Variants in YME1L1 observed in about 807,000 individuals in gnomAD.
YME1L1 encodes YME1 like 1 ATPase.
YME1L1 carries 39 observed loss-of-function variants against 90.4 expected under a neutral mutation model. The ratio of observed to expected loss-of-function variants is 0.43; its 90% CI spans 0.33 to 0.56. The LOEUF is 0.56. Ranked by LOEUF, YME1L1 falls within the 20% of genes least tolerant of loss-of-function variation. YME1L1 has a pLI of 0.03. For synonymous variants in YME1L1, 284 were observed against 287.3 expected (o/e 0.99, Z 0.12); for missense variants, 617 against 868.4 (o/e 0.71, Z 3.64).
chr10:27,123,690 A>G lies in YME1L1; in HGVS notation c.959T>C (p.Leu320Ser), dbSNP rs1020537900. ...LGGKLPKGIL[L>S]VGPPGTGKTL... Reference sequence around the variant, plus strand: ...CTTTCCAGTCCCTGGGGGTCCAACTAAAAGAATTCCTAAAAGAAAATGAAA... The same window carrying G: ...CTTTCCAGTCCCTGGGGGTCCAACTGAAAGAATTCCTAAAAGAAAATGAAA... Residue 320 changes from leucine to serine, a missense_variant, in exon 10 of 19, where the codon TTA (leucine) becomes TCA (serine). Coordinates refer to ENST00000376016, the MANE Select transcript of YME1L1 (RefSeq NM_014263.4). 6.3e-7 allele frequency: 1 copy of G among 1,595,548 alleles called. No individual in the cohort carries two copies. Among genetic ancestry groups the G allele is most frequent in the Non-Finnish European group, 8.5e-7 (1 of 1,173,974 alleles).
At chr10:27,125,899 A>G (rs1286050015) in intron 9 of YME1L1, among the ~76,000 whole-genome samples, 11 of 151,460 alleles carry the variant, frequency 7.3e-5, no homozygotes, top group Admixed American at 7.2e-4. Flanking sequence ...CTGGTCTCGA[A>G]CTCCTGATCT....
intron 9 of YME1L1, among the ~76,000 whole-genome samples, chr10:27,123,943 G>A (rs190207998): frequency 2.6e-5 from 4 of 151,852 alleles, no homozygotes; most frequent in African/African-American, 9.7e-5. Context: ...ACATGACAGG[G>A]AGAATCTTGA....
rs919191024 is a variant in YME1L1, at chr10:27,111,332, C to G, written c.*645G>C. On this transcript the variant is annotated 3_prime_UTR_variant, in exon 19 of 19. Transcript: ENST00000376016. The stretch of plus-strand genomic sequence containing the variant: ...TGGCCTCTGAAAAGTGCTGGGATTA[C>G]AGGCGTGAGCAACCGCGCCCAGCCC... 2.6e-5 allele frequency: 4 copies of G among 153,864 alleles called. No individual in the cohort carries two copies. The highest frequency in any genetic ancestry group is 9.7e-5 in the African/African-American group (4 of 41,416). The allele number at this position is 153,864 out of a possible 1,614,324, so 9.5% of individuals were successfully genotyped here.
At chr10:27,116,423 T>C (rs1301682787) in intron 15 of YME1L1, 78 bp from the exon 16 acceptor site, 8 of 1,527,712 alleles carry the variant, frequency 5.2e-6, no homozygotes, top group Non-Finnish European at 6.1e-6. Flanking sequence ...ATCCCAGCAC[T>C]TTGGCAGGCG....
At chr10:27,122,660 G>C (rs2056878760) in intron 11 of YME1L1, among the ~76,000 whole-genome samples, 181 bp downstream of exon 11, 1 of 152,136 alleles carries the variant, frequency 6.6e-6, no homozygotes, top group Admixed American at 6.6e-5. Context: ...ATACAATACT[G>C]AGAGAAAAAG....
chr10:27,147,420 C>G, intron 2 of YME1L1: 1 of 1,611,796 alleles, frequency 6.2e-7, no homozygotes, highest in Non-Finnish European at 8.5e-7. Flanking sequence ...ATGGCAAGAA[C>G]CTGAACTAAG....
At position 27,154,221 on chromosome 10, in the gene YME1L1, C is replaced by T. The variant is rs1417879052; in HGVS notation, c.-11G>A. On this transcript the variant is annotated 5_prime_UTR_variant, in exon 1 of 19. Coordinates refer to ENST00000376016, the MANE Select transcript of YME1L1 (RefSeq NM_014263.4). Reference sequence around the variant, plus strand: ...CGACAAGGAAAACATCTCCGGCGGGCCCTCAGCGACCTCACCCGCCTGCCG... The same window carrying T: ...CGACAAGGAAAACATCTCCGGCGGGTCCTCAGCGACCTCACCCGCCTGCCG... 2 of 1,585,890 alleles carry T rather than the reference C, an allele frequency of 1.3e-6. No individual in the cohort carries two copies. The highest frequency in any genetic ancestry group is 2.3e-5 in the East Asian group (1 of 43,398).
chr10:27,128,452 AG>A (rs1186703149), intron 8 of YME1L1, among the ~76,000 whole-genome samples: 2 of 152,128 alleles, frequency 1.3e-5, no homozygotes, highest in Non-Finnish European at 2.9e-5. Flanking sequence ...CCCACATTCC[AG>A]GACAGGCGTG....
chr10:27,154,226 A>G lies in YME1L1; in HGVS notation c.-16T>C. ...AGGAAAACATCTCCGGCGGGCCCTC[A>G]GCGACCTCACCCGCCTGCCGAAACT... On this transcript the variant is annotated 5_prime_UTR_variant, in exon 1 of 19. Coordinates refer to ENST00000376016, the MANE Select transcript of YME1L1 (RefSeq NM_014263.4). 6.3e-7 allele frequency: 1 copy of G among 1,584,104 alleles called. No homozygotes were observed. The highest frequency in any genetic ancestry group is 8.6e-7 in the Non-Finnish European group (1 of 1,164,586).
At chr10:27,117,192 T>TTA (rs1422542811) in intron 15 of YME1L1, among the ~76,000 whole-genome samples, 2 of 152,226 alleles carry the variant, frequency 1.3e-5, no homozygotes, top group Non-Finnish European at 2.9e-5. Flanking sequence ...TTGTACTAAA[T>TTA]GATAAAAATC....
Position 27,116,306 on chromosome 10 carries a change from T to C in YME1L1, c.1759A>G (p.Arg587Gly). Residue 587 changes from arginine to glycine, a missense_variant, in exon 16 of 19, where the codon AGA becomes GGA. Arg to Gly is a moderately radical substitution (Grantham distance 125). Transcript: ENST00000376016. Reference protein sequence around the residue: ...LPENDRWNETRAQLLAQMDVS... With the variant: ...LPENDRWNETGAQLLAQMDVS... ...TCCATTTGTGCAAGCAGCTGGGCTC[T>C]AGTTTCATTCCATCTGTCATTCTCA... is the stretch of plus-strand genomic sequence containing the variant. 1 of 1,614,174 alleles carries C rather than the reference T, an allele frequency of 6.2e-7. No homozygotes were observed. Among genetic ancestry groups the C allele is most frequent in the South Asian group, 1.1e-5 (1 of 91,082 alleles).
chr10:27,137,108 T>C (rs1239145252), intron 4 of YME1L1, among the ~76,000 whole-genome samples: 2 of 151,900 alleles, frequency 1.3e-5, no homozygotes, highest in African/African-American at 4.8e-5. Context: ...AATTACATAA[T>C]GTTTTTGAAA....
intron 18 of YME1L1, among the ~76,000 whole-genome samples, 198 bp downstream of exon 18, chr10:27,114,323 T>G (rs2056790050): frequency 6.6e-6 from 1 of 152,206 alleles, no homozygotes; most frequent in African/African-American, 2.4e-5. Flanking sequence ...CTTAATAACA[T>G]TTAAATCATT....
intron 9 of YME1L1, among the ~76,000 whole-genome samples, chr10:27,125,051 G>A (rs549474971): frequency 2.0e-5 from 3 of 152,264 alleles, no homozygotes; most frequent in African/African-American, 7.2e-5. Flanking sequence ...ATACACTGCT[G>A]TATTTTCAGT....
intron 18 of YME1L1, among the ~76,000 whole-genome samples, chr10:27,113,634 T>C (rs1472992802): frequency 6.8e-6 from 1 of 147,184 alleles, no homozygotes; most frequent in East Asian, 2.0e-4. Flanking sequence ...ATAGCACTAC[T>C]GCACTCCAGC....
At chr10:27,112,141 C>T (rs1309158016) in intron 18 of YME1L1, 21 bp from the exon 19 acceptor site, 14 of 1,590,180 alleles carry the variant, frequency 8.8e-6, no homozygotes, top group South Asian at 4.6e-5. Flanking sequence ...AAAGGAGATA[C>T]GTAAGCAGCA....
chr10:27,139,372 G>A (rs2057062688), intron 4 of YME1L1, among the ~76,000 whole-genome samples: 1 of 151,974 alleles, frequency 6.6e-6, no homozygotes, highest in South Asian at 2.1e-4. Context: ...TTTTGTTGCT[G>A]TTGTTGAGAT....
intron 1 of YME1L1, among the ~76,000 whole-genome samples, chr10:27,150,437 C>G (rs1370963677): frequency 6.6e-6 from 1 of 152,154 alleles, no homozygotes; most frequent in Non-Finnish European, 1.5e-5. Context: ...CTGAGACCTA[C>G]TGGGTTGCAT....
chr10:27,133,924 T>C, intron 7 of YME1L1, 115 bp downstream of exon 7: 1 of 705,642 alleles, frequency 1.4e-6, no homozygotes, highest in Non-Finnish European at 2.3e-6. Context: ...GAAAGCCTAA[T>C]TCTAGTACTG....
Sources: allele counts gnomAD v4.1 joint callset (sites outside exome capture counted in the v4.1 genomes callset), GRCh38; gene constraint gnomAD v4.1.1; transcripts MANE v1.5; gene names NCBI Gene and HGNC (gene_info 2026-07-23, HGNC 2026-07-21).